PHF21A: variants seen among roughly 807,000 people sequenced by gnomAD.
The protein encoded by PHF21A is PHD finger protein 21A, also known as BHC80a.
A neutral mutation model predicts 82.5 loss-of-function variants in PHF21A; 11 were observed. The ratio of observed to expected loss-of-function variants is 0.13; its 90% CI spans 0.08 to 0.22. The LOEUF is 0.22. Ranked by LOEUF, PHF21A falls within the 10% of genes least tolerant of loss-of-function variation. PHF21A has a pLI of 1.00. For synonymous variants in PHF21A, 297 were observed against 302.8 expected, an observed-to-expected ratio of 0.98 and a Z score of 0.20; for missense variants, 579 against 837.8, an observed-to-expected ratio of 0.69 and a Z score of 3.81.
At chr11:46,063,631 A>G (rs952165882) in intron 6 of PHF21A, among the ~76,000 whole-genome samples, 51 of 152,212 alleles carry the variant, frequency 3.4e-4, no homozygotes, top group African/African-American at 1.2e-3. Flanking sequence ...ATTTCTCTTC[A>G]GAAGGATACC....
intron 6 of PHF21A, among the ~76,000 whole-genome samples, chr11:46,030,357 C>T (rs567381112): frequency 3.3e-5 from 5 of 152,326 alleles, no homozygotes; most frequent in South Asian, 2.1e-4. Context: ...CGATCCTGCA[C>T]GATCTTTTAT....
intron 6 of PHF21A, among the ~76,000 whole-genome samples, chr11:45,997,064 T>C (rs772448272): frequency 5.9e-5 from 9 of 152,210 alleles, no homozygotes; most frequent in African/African-American, 9.7e-5. Context: ...TATCACAAAA[T>C]CTTGGTTTTG....
intron 14 of PHF21A, among the ~76,000 whole-genome samples, chr11:45,947,737 C>T (rs964298370): frequency 2.0e-5 from 3 of 152,036 alleles, no homozygotes; most frequent in Admixed American, 6.5e-5. Flanking sequence ...GGCTCCTTTC[C>T]GAGAACTGCA....
intron 15 of PHF21A, among the ~76,000 whole-genome samples, chr11:45,939,979 A>C (rs562687277): frequency 1.3e-5 from 2 of 152,126 alleles, no homozygotes; most frequent in South Asian, 2.1e-4. Flanking sequence ...TCTAATACAG[A>C]AATTGTGCAC....
intron 5 of PHF21A, among the ~76,000 whole-genome samples, chr11:46,078,383 A>T (rs1344119153): frequency 6.6e-6 from 1 of 152,216 alleles, no homozygotes; most frequent in Admixed American, 6.5e-5. Context: ...ATATAGATAA[A>T]GATATATTTG....
chr11:46,038,230 G>A (rs1030337447), intron 6 of PHF21A, among the ~76,000 whole-genome samples: 21 of 151,790 alleles, frequency 1.4e-4, no homozygotes, highest in East Asian at 9.7e-4. Context: ...AGTTTCAAGC[G>A]ATTCTCCTGC....
At chr11:46,028,091 ATT>A (rs71451628) in intron 6 of PHF21A, among the ~76,000 whole-genome samples, 4 of 146,724 alleles carry the variant, frequency 2.7e-5, no homozygotes, top group Admixed American at 6.8e-5. Flanking sequence ...TCTGGGGACA[ATT>A]TTTTTTTTTT....
chr11:46,059,624 C>T (rs930122727), intron 6 of PHF21A, among the ~76,000 whole-genome samples: 90 of 151,930 alleles, frequency 5.9e-4, no homozygotes, highest in Non-Finnish European at 7.1e-4. Context: ...GGGATGTTGC[C>T]ATGGTGCCTA....
At chr11:45,963,395 G>C (rs1484495303) in intron 10 of PHF21A, among the ~76,000 whole-genome samples, 3 of 146,776 alleles carry the variant, frequency 2.0e-5, no homozygotes, top group Non-Finnish European at 4.5e-5. Flanking sequence ...ACTCCAGCTT[G>C]GGTGACAAGA....
rs114063341 is a variant in PHF21A, at chr11:45,940,714, T to C, written c.1453-2402A>G. ...TAGAGGGTCAGCCTTTCTTGAACCT[T>C]ATCCCTAAGTGGTGAGTCTGCGTCT... On this transcript the variant is annotated intron_variant, in intron 15 of 18. Coordinates refer to ENST00000676320, the MANE Select transcript of PHF21A (RefSeq NM_001352027.3). Among the ~76,000 whole-genome samples, 210 of 152,324 alleles carry C rather than the reference T, an allele frequency of 1.4e-3. 1 individual carries two copies. Among genetic ancestry groups the C allele is most frequent in the African/African-American group, 4.9e-3 (203 of 41,572 alleles).
rs138421329 is a variant in PHF21A, at chr11:46,040,253, C to T, written c.153+36501G>A. Among the ~76,000 whole-genome samples the T allele has an allele frequency of 6.6e-3, 1,008 of 152,250 alleles. 36 individuals carry two copies. The highest frequency in any genetic ancestry group is 0.055 in the Admixed American group (836 of 15,296). On this transcript the variant is annotated intron_variant, in intron 6 of 18. Transcript: ENST00000676320. ...AGTTTCATTAAACATAATGGTCTCA[C>T]CTCAGTGGAAAAGAGAGGAAGGATG...
At chr11:45,995,448 G>T (rs555342433) in intron 6 of PHF21A, among the ~76,000 whole-genome samples, 12 of 152,312 alleles carry the variant, frequency 7.9e-5, no homozygotes, top group African/African-American at 2.9e-4. Flanking sequence ...GCATGTTTGT[G>T]TGACAGTTAT....
intron 10 of PHF21A, among the ~76,000 whole-genome samples, chr11:45,954,225 G>A (rs2092441633): frequency 6.6e-6 from 1 of 152,078 alleles, no homozygotes. Flanking sequence ...TTGAACTCCC[G>A]ACCTCAGGTG....
intron 10 of PHF21A, among the ~76,000 whole-genome samples, chr11:45,956,185 CTGAAA>C (rs1183967565): frequency 6.6e-6 from 1 of 152,102 alleles, no homozygotes; most frequent in African/African-American, 2.4e-5. Flanking sequence ...TCCCTTCAGG[CTGAAA>C]TGAAAGGACA....
At position 45,965,572 on chromosome 11, in the gene PHF21A, T is replaced by C. The variant is rs1344780269; in HGVS notation, c.739A>G (p.Ile247Val). 1 of 1,573,560 alleles carries C rather than the reference T, an allele frequency of 6.4e-7. No individual in the cohort carries two copies. The highest frequency in any genetic ancestry group is 8.6e-7 in the Non-Finnish European group (1 of 1,157,768). ...AGCATGGGAGGTGGTGCTGGGGCAA[T>C]AGGAATGTTATTCTGGGCCACAGGC... Reference protein sequence around the residue: ...PKPVAQNNIPIAPAPPPMLAA... With the variant: ...PKPVAQNNIPVAPAPPPMLAA... Residue 247 changes from isoleucine to valine, a missense_variant, in exon 10 of 19, where the codon ATT becomes GTT. Physicochemically the swap from Ile to Val is conservative, Grantham distance 29. Coordinates refer to ENST00000676320, the MANE Select transcript of PHF21A (RefSeq NM_001352027.3).
intron 17 of PHF21A, 114 bp from the exon 18 acceptor site, chr11:45,935,853 G>A (rs2088863709): frequency 1.6e-6 from 1 of 639,728 alleles, no homozygotes; most frequent in Non-Finnish European, 2.7e-6. Context: ...GCTCCCATGA[G>A]TCCTACAACC....
chr11:46,110,608 C>A (rs1331808598), intron 1 of PHF21A, among the ~76,000 whole-genome samples: 1 of 152,064 alleles, frequency 6.6e-6, no homozygotes, highest in East Asian at 1.9e-4. Context: ...TTATATTTAG[C>A]CCTTTGTATT....
At chr11:45,941,631 C>G (rs1009420693) in intron 15 of PHF21A, among the ~76,000 whole-genome samples, 1 of 152,164 alleles carries the variant, frequency 6.6e-6, no homozygotes, top group Non-Finnish European at 1.5e-5. Flanking sequence ...AAACATTTTA[C>G]CCATACAGAA....
chr11:46,097,995 T>TC (rs1220447730), intron 1 of PHF21A, among the ~76,000 whole-genome samples: 1 of 152,018 alleles, frequency 6.6e-6, no homozygotes, highest in East Asian at 1.9e-4. Context: ...GTATTTAAGT[T>TC]CCCCCAAAAG....
Sources: gnomAD v4.1 joint callset for allele counts (sites outside exome capture counted in the v4.1 genomes callset) on GRCh38, gnomAD v4.1.1 for gene constraint, MANE v1.5 for transcripts, NCBI Gene and HGNC (gene_info 2026-07-23, HGNC 2026-07-21) for gene names.